The following DACH1 variants were observed in gnomAD, a reference collection of about 807,000 sequenced individuals.
DACH1 encodes the protein dachshund homolog 1.
In DACH1, 12 loss-of-function variants were observed where a neutral mutation model predicts 54.2. The observed-to-expected ratio is 0.22, with a 90% CI of 0.14 to 0.36. The LOEUF (loss-of-function observed/expected upper bound fraction) is 0.36. DACH1 is among the 10% of genes least tolerant of loss of function. The probability of loss-of-function intolerance (pLI) is 1.00; values close to 1 mark genes in which losing one functional copy is unlikely to be tolerated. For missense variants in DACH1, 805 were observed against 929.8 expected (o/e 0.87, Z 1.75); for synonymous variants, 386 against 366.2 (o/e 1.05, Z -0.62).
intron 1 of DACH1, among the ~76,000 whole-genome samples, chr13:71,758,610 C>T (rs1223331971): frequency 6.6e-6 from 1 of 152,114 alleles, no homozygotes; most frequent in East Asian, 1.9e-4. Flanking sequence ...GCTTGAAATA[C>T]CTTGAAACGC....
intron 1 of DACH1, among the ~76,000 whole-genome samples, chr13:71,711,023 T>C (rs926066276): frequency 6.6e-6 from 1 of 152,162 alleles, no homozygotes; most frequent in Admixed American, 6.6e-5. Flanking sequence ...ATTATGTCTC[T>C]TTATTGATGG....
chr13:71,547,647 A>T (rs1883545230), intron 6 of DACH1, among the ~76,000 whole-genome samples: 1 of 152,142 alleles, frequency 6.6e-6, no homozygotes, highest in South Asian at 2.1e-4. Flanking sequence ...AGTCAAAGAA[A>T]AACACTACCC....
At chr13:71,780,099 G>A (rs1460939103) in intron 1 of DACH1, among the ~76,000 whole-genome samples, 4 of 152,226 alleles carry the variant, frequency 2.6e-5, no homozygotes, top group East Asian at 1.9e-4. Flanking sequence ...ATTACTGGGG[G>A]ATAAGGGTCA....
chr13:71,759,225 T>C (rs1361708803), intron 1 of DACH1, among the ~76,000 whole-genome samples: 1 of 151,998 alleles, frequency 6.6e-6, no homozygotes, highest in Non-Finnish European at 1.5e-5. Flanking sequence ...AAAAAAAAGA[T>C]AGGCATTTAT....
At position 71,866,727 on chromosome 13, in the gene DACH1, G is replaced by A; in HGVS notation, c.43C>T (p.Pro15Ser). 2 of 1,441,524 alleles carry A rather than the reference G, an allele frequency of 1.4e-6. No homozygotes were observed. The highest frequency in any genetic ancestry group is 2.3e-5 in the Admixed American group (1 of 43,858). 89.3% of individuals were successfully genotyped at this position (1,441,524 alleles called of 1,614,324 possible). A position where few individuals can be genotyped will look rare whatever the true frequency, so the allele number is the denominator to read the frequency against. ...AALIPPTQLVPPQPPISTSAS... is the reference protein window; with the variant it reads ...AALIPPTQLVSPQPPISTSAS... Reference sequence around the variant, plus strand: ...GACGTGGAGATTGGGGGTTGAGGGGGGACCAGCTGGGTCGGAGGGATCAAA... The same window carrying A: ...GACGTGGAGATTGGGGGTTGAGGGGAGACCAGCTGGGTCGGAGGGATCAAA... Residue 15 changes from proline to serine, a missense_variant, in exon 1 of 11, where the codon CCC becomes TCC. Pro to Ser is a moderately conservative substitution (Grantham distance 74, BLOSUM62 -1). Around this residue, in one of 3 missense-constraint regions of DACH1, gnomAD observed 305 missense variants for 308.7 expected, o/e 0.99. Coordinates refer to ENST00000613252, the MANE Select transcript of DACH1 (RefSeq NM_080759.6).
chr13:71,865,805 G>A (rs1874708375), intron 1 of DACH1, 117 bp downstream of exon 1: 1 of 1,307,650 alleles, frequency 7.6e-7, no homozygotes. Context: ...GGCCGCGCTC[G>A]CCGGGGCGCG....
At chr13:71,590,171 T>C (rs1873593593) in intron 3 of DACH1, among the ~76,000 whole-genome samples, 1 of 151,922 alleles carries the variant, frequency 6.6e-6, no homozygotes. Context: ...ACTATAAACA[T>C]CTCATATCAG....
intron 1 of DACH1, among the ~76,000 whole-genome samples, chr13:71,696,408 T>C (rs1881833723): frequency 6.6e-6 from 1 of 152,132 alleles, no homozygotes; most frequent in South Asian, 2.1e-4. Flanking sequence ...CTTGAATAAA[T>C]CACAGACTGC....
In DACH1 at chr13:71,552,436, TATA is replaced by T. The variant is rs1883875564; in HGVS notation, c.1570+4585_1570+4587del. ...GATCAATCAAAAATTAGGTAAATCG[TATA>T]ATAACAAAAATGTACATATTGAGTT... is the stretch of plus-strand genomic sequence containing the variant. On this transcript the variant is annotated intron_variant, in intron 6 of 10. Coordinates refer to ENST00000613252, the MANE Select transcript of DACH1 (RefSeq NM_080759.6). Among the ~76,000 whole-genome samples, 7 of 152,086 alleles carry T rather than the reference TATA, an allele frequency of 4.6e-5. No individual in the cohort carries two copies. The South Asian group carries it at 1.2e-3, about 27-fold the overall frequency.
chr13:71,773,259 T>C (rs1566491359), intron 1 of DACH1, among the ~76,000 whole-genome samples: 1 of 151,894 alleles, frequency 6.6e-6, no homozygotes, highest in Non-Finnish European at 1.5e-5. Context: ...AGAAAAACCA[T>C]ATGATGTTTG....
chr13:71,502,029 G>C (rs1879959510), intron 6 of DACH1, among the ~76,000 whole-genome samples: 2 of 152,118 alleles, frequency 1.3e-5, no homozygotes, highest in East Asian at 3.9e-4. Context: ...AAACACCCAA[G>C]GAGTAACACA....
intron 1 of DACH1, among the ~76,000 whole-genome samples, chr13:71,777,217 A>T (rs942206900): frequency 6.6e-6 from 1 of 152,012 alleles, no homozygotes; most frequent in African/African-American, 2.4e-5. Flanking sequence ...TTAAAGAGAC[A>T]GGAAACATTT....
intron 6 of DACH1, among the ~76,000 whole-genome samples, chr13:71,554,178 T>G (rs1456590498): frequency 1.3e-5 from 2 of 152,018 alleles, no homozygotes; most frequent in Admixed American, 6.6e-5. Flanking sequence ...TTCTATCAAT[T>G]TAGAAAGCCT....
chr13:71,668,616 AT>A (rs901502626), intron 2 of DACH1, among the ~76,000 whole-genome samples: 23 of 150,170 alleles, frequency 1.5e-4, no homozygotes, highest in Middle Eastern at 3.4e-3. Context: ...ACAAAACAAA[AT>A]TTTTTTTTTT....
chr13:71,731,418 G>A (rs1883741353), intron 1 of DACH1, among the ~76,000 whole-genome samples: 1 of 151,488 alleles, frequency 6.6e-6, no homozygotes, highest in African/African-American at 2.4e-5. Context: ...CAGCCTCCTG[G>A]GACTACAGGC....
At chr13:71,741,328 C>T (rs1884375163) in intron 1 of DACH1, among the ~76,000 whole-genome samples, 1 of 152,132 alleles carries the variant, frequency 6.6e-6, no homozygotes, top group Non-Finnish European at 1.5e-5. Context: ...AATGCCTTAT[C>T]AGATACTGCT....
intron 1 of DACH1, among the ~76,000 whole-genome samples, chr13:71,695,445 A>C (rs762901172): frequency 6.6e-6 from 1 of 152,254 alleles, no homozygotes; most frequent in East Asian, 1.9e-4. Context: ...CTTTAGAAAG[A>C]GAAAGGAAAA....
intron 1 of DACH1, among the ~76,000 whole-genome samples, chr13:71,836,334 T>C (rs1356163373): frequency 6.6e-6 from 1 of 152,096 alleles, no homozygotes; most frequent in African/African-American, 2.4e-5. Flanking sequence ...TCTCTCACTG[T>C]GCTAAGTGCT....
intron 3 of DACH1, among the ~76,000 whole-genome samples, chr13:71,620,136 T>C (rs1040478683): frequency 1.3e-5 from 2 of 151,954 alleles, no homozygotes; most frequent in Non-Finnish European, 2.9e-5. Flanking sequence ...TATTATCTGA[T>C]AGACCCATTG....
Sources: gnomAD v4.1 joint callset for allele counts (sites outside exome capture counted in the v4.1 genomes callset) on GRCh38, gnomAD v4.1.1 for gene constraint, gnomAD v4.1.1 regional missense constraint, MANE v1.5 for transcripts, NCBI Gene and HGNC (gene_info 2026-07-23, HGNC 2026-07-21) for gene names.